XPO4: variants seen among roughly 807,000 people sequenced by gnomAD.
The protein encoded by XPO4 is exportin-4.
A neutral mutation model predicts 143.0 loss-of-function variants in XPO4; 39 were observed. The observed-to-expected ratio is 0.27, with a 90% CI of 0.21 to 0.36. The LOEUF is 0.36. Ranked by LOEUF, XPO4 falls within the 10% of genes least tolerant of loss-of-function variation. XPO4 has a pLI of 1.00. For synonymous variants in XPO4, 439 were observed against 474.0 expected (o/e 0.93, Z 0.96); for missense variants, 907 against 1,348.0 (o/e 0.67, Z 5.12).
intron 1 of XPO4, among the ~76,000 whole-genome samples, chr13:20,880,743 G>A (rs998724544): frequency 6.6e-6 from 1 of 152,096 alleles, no homozygotes; most frequent in South Asian, 2.1e-4. Flanking sequence ...GATTGCTTGA[G>A]TTCCGGGGTT....
rs1340961429 is a variant in XPO4 at position 20,781,478 on chromosome 13, C to T, written c.*2244G>A. The T allele has an allele frequency of 6.6e-6, 1 of 152,582 alleles. No homozygotes were observed. The highest frequency in any genetic ancestry group is 1.5e-5 in the Non-Finnish European group (1 of 68,028). 9.5% of individuals were successfully genotyped at this position (152,582 alleles called of 1,614,324 possible). A position where few individuals can be genotyped will look rare whatever the true frequency, so the allele number is the denominator to read the frequency against. On this transcript the variant is annotated 3_prime_UTR_variant, in exon 23 of 23. Coordinates refer to ENST00000255305, the MANE Select transcript of XPO4 (RefSeq NM_022459.5). ...TCTTATAAGTATTATTTGGTCCAAT[C>T]TGAAGAAGGTCTTTTTAAACTAAAA...
Position 20,787,461 on chromosome 13 carries a change from CT to C in XPO4, c.3165+19del, listed in dbSNP as rs749880811. 1.5e-5 allele frequency: 24 copies of C among 1,606,398 alleles called. No individual in the cohort carries two copies. Among genetic ancestry groups the C allele is most frequent in the Non-Finnish European group, 2.0e-5 (24 of 1,173,124 alleles). ...TTTTGAAAGTAGCTGATTTTCTGAC[CT>C]ACCGCACAGACATCTTACCTTAAGA... On this transcript the variant is annotated intron_variant, in intron 21 of 22. Coordinates refer to ENST00000255305, the MANE Select transcript of XPO4 (RefSeq NM_022459.5).
chr13:20,808,052 A>C (rs2059530207), intron 12 of XPO4, among the ~76,000 whole-genome samples: 1 of 152,176 alleles, frequency 6.6e-6, no homozygotes, highest in Non-Finnish European at 1.5e-5. Flanking sequence ...AGATCCTAAG[A>C]GTCAGACTGC....
intron 1 of XPO4, among the ~76,000 whole-genome samples, chr13:20,899,691 ATGC>A (rs2060602662): frequency 6.6e-6 from 1 of 152,212 alleles, no homozygotes; most frequent in South Asian, 2.1e-4. Flanking sequence ...CTAAAATTCT[ATGC>A]TGATTTCCAT....
intron 18 of XPO4, among the ~76,000 whole-genome samples, chr13:20,793,848 C>T (rs1595059241): frequency 6.6e-6 from 1 of 152,146 alleles, no homozygotes; most frequent in East Asian, 1.9e-4. Flanking sequence ...GGTACAAGTC[C>T]TACTGGGTCC....
intron 1 of XPO4, among the ~76,000 whole-genome samples, chr13:20,883,600 C>G (rs561026211): frequency 1.3e-5 from 2 of 152,204 alleles, no homozygotes; most frequent in South Asian, 4.1e-4. Context: ...AATGATCTTT[C>G]AGGGATTAGA....
intron 13 of XPO4, 34 bp downstream of exon 13, chr13:20,807,423 A>G (rs771594038): frequency 1.3e-6 from 2 of 1,571,848 alleles, no homozygotes; most frequent in African/African-American, 1.4e-5. Flanking sequence ...ACAGTATAAA[A>G]ATTACAAGAG....
At position 20,800,936 on chromosome 13, in the gene XPO4, T is replaced by G. The variant is rs1279369397; in HGVS notation, c.1872A>C (p.Ala624=). The change falls in exon 14 of 23, where the codon GCA becomes GCC. Residue 624 remains alanine, a synonymous_variant. Transcript: ENST00000255305. The part of the protein sequence containing the change: ...VSEVESRAIR[A]DLTHLLSPQM... ...GGGGACTTAGTAGATGAGTGAGATC[T>G]GCTCTTATTGCTCGAGATTCAACTT... 4 of 1,613,914 alleles carry G rather than the reference T, an allele frequency of 2.5e-6. No homozygotes were observed. The highest frequency in any genetic ancestry group is 3.4e-6 in the Non-Finnish European group (4 of 1,179,976).
intron 4 of XPO4, chr13:20,849,252 C>A: frequency 1.0e-6 from 1 of 985,422 alleles, no homozygotes; most frequent in Non-Finnish European, 1.2e-6. Context: ...TCTATGCAAA[C>A]ATCAATGAGA....
intron 1 of XPO4, among the ~76,000 whole-genome samples, chr13:20,881,369 T>C (rs1049676237): frequency 6.6e-6 from 1 of 152,026 alleles, no homozygotes; most frequent in African/African-American, 2.4e-5. Flanking sequence ...CCCGGGTTCA[T>C]GCCATTCTCC....
chr13:20,831,075 C>A (rs913090887), intron 6 of XPO4, among the ~76,000 whole-genome samples: 8 of 151,734 alleles, frequency 5.3e-5, no homozygotes, highest in Middle Eastern at 3.2e-3. Flanking sequence ...ATAAAAAAAA[C>A]CATTTCAACC....
intron 1 of XPO4, among the ~76,000 whole-genome samples, chr13:20,885,523 TAAAC>T (rs1205827800): frequency 6.6e-6 from 1 of 152,016 alleles, no homozygotes; most frequent in Middle Eastern, 3.2e-3. Flanking sequence ...GAAAATGTAA[TAAAC>T]TAAATGCTCT....
intron 4 of XPO4, among the ~76,000 whole-genome samples, chr13:20,854,442 A>C (rs2060121710): frequency 6.6e-6 from 1 of 152,236 alleles, no homozygotes; most frequent in Non-Finnish European, 1.5e-5. Flanking sequence ...CTACATCGTT[A>C]AAATCACATC....
chr13:20,788,852 G>T (rs911045867), intron 19 of XPO4, among the ~76,000 whole-genome samples: 1 of 152,174 alleles, frequency 6.6e-6, no homozygotes, highest in Non-Finnish European at 1.5e-5. Flanking sequence ...TTATCTTCTA[G>T]ATAGTTAATA....
chr13:20,835,407 A>G (rs2059903839), intron 6 of XPO4, among the ~76,000 whole-genome samples: 2 of 152,218 alleles, frequency 1.3e-5, no homozygotes, highest in South Asian at 4.1e-4. Flanking sequence ...AGAAACCTAG[A>G]CAAAGCTGGT....
intron 4 of XPO4, chr13:20,848,111 TTTG>T (rs56866348): frequency 0.03 from 13,266 of 436,306 alleles, 759 homozygotes; most frequent in African/African-American, 0.17. Flanking sequence ...TCAATCATCC[TTTG>T]TTGTTGTCTA....
chr13:20,821,656 A>C, intron 9 of XPO4, 48 bp downstream of exon 9: 1 of 1,561,346 alleles, frequency 6.4e-7, no homozygotes, highest in Non-Finnish European at 8.7e-7. Context: ...AGGCACCGCA[A>C]ATTTCCTTGT....
At position 20,881,342 on chromosome 13, in the gene XPO4, C is replaced by T. The variant is rs141598880; in HGVS notation, c.70-12641G>A. 2.9e-3 allele frequency among the ~76,000 whole-genome samples: 446 copies of T among 152,116 alleles called. 1 individual carries two copies. Among genetic ancestry groups the T allele is most frequent in the African/African-American group, 0.01 (431 of 41,490 alleles). ...GGAGTGCAGTGGCAAAATTTCGGCTCACTGCAAGCGCCACCTCCCGGGTTC... is the reference window on the plus strand; with the variant it reads ...GGAGTGCAGTGGCAAAATTTCGGCTTACTGCAAGCGCCACCTCCCGGGTTC... On this transcript the variant is annotated intron_variant, in intron 1 of 22. Transcript: ENST00000255305.
intron 20 of XPO4, 133 bp downstream of exon 20, chr13:20,788,353 G>T: frequency 8.0e-7 from 1 of 1,251,276 alleles, no homozygotes; most frequent in Non-Finnish European, 1.1e-6. Flanking sequence ...CACCGTGCCT[G>T]GCCCAGGGTT....
Sources: gnomAD v4.1 joint callset for allele counts (sites outside exome capture counted in the v4.1 genomes callset) on GRCh38, gnomAD v4.1.1 for gene constraint, MANE v1.5 for transcripts, NCBI Gene and HGNC (gene_info 2026-07-23, HGNC 2026-07-21) for gene names.